RET: variants seen among roughly 807,000 people sequenced by gnomAD.
RET encodes the protein proto-oncogene tyrosine-protein kinase receptor Ret.
Under a neutral mutation model 118.3 loss-of-function variants are expected in RET, and 19 were observed. The observed-to-expected ratio is 0.16, with a 90% CI of 0.11 to 0.24. The LOEUF (loss-of-function observed/expected upper bound fraction) is 0.24, where lower values mean the gene tolerates loss of function less well. Ranked by LOEUF, RET falls within the 10% of genes least tolerant of loss-of-function variation. The pLI, the probability that RET is intolerant of heterozygous loss-of-function variation, is 1.00. For synonymous variants in RET, 597 were observed against 644.1 expected (o/e 0.93, Z 1.11); for missense variants, 1,219 against 1,502.1 (o/e 0.81, Z 3.12).
intron 11 of RET, among the ~76,000 whole-genome samples, chr10:43,116,124 G>C (rs1038283635): frequency 3.9e-5 from 6 of 152,248 alleles, no homozygotes; most frequent in African/African-American, 1.4e-4. Flanking sequence ...CCAGCAGGCA[G>C]GGTGAGCGGG....
chr10:43,113,359 G>C (rs112675631), intron 9 of RET, among the ~76,000 whole-genome samples, 197 bp from the exon 10 acceptor site: 3 of 152,144 alleles, frequency 2.0e-5, no homozygotes, highest in Non-Finnish European at 2.9e-5. Context: ...AGGGGGCCTG[G>C]CTTCACCCAT....
At chr10:43,127,086 C>A in intron 19 of RET, 1 of 1,195,636 alleles carries the variant, frequency 8.4e-7, no homozygotes, top group South Asian at 2.3e-5. Flanking sequence ...GATAAATATA[C>A]AAATCTGGGG....
At chr10:43,099,426 G>T (rs1337424132) in intron 1 of RET, among the ~76,000 whole-genome samples, 3 of 152,002 alleles carry the variant, frequency 2.0e-5, no homozygotes, top group Non-Finnish European at 4.4e-5. Flanking sequence ...CAGGAGAATC[G>T]CTTGAACCCG....
At chr10:43,091,141 G>A (rs1030527886) in intron 1 of RET, among the ~76,000 whole-genome samples, 1 of 152,204 alleles carries the variant, frequency 6.6e-6, no homozygotes, top group Non-Finnish European at 1.5e-5. Flanking sequence ...ACAGGCAGCC[G>A]AAGAAAGAAT....
intron 1 of RET, among the ~76,000 whole-genome samples, chr10:43,078,634 C>G (rs1394310719): frequency 6.6e-6 from 1 of 152,196 alleles, no homozygotes; most frequent in African/African-American, 2.4e-5. Context: ...TGGGCTGTGG[C>G]TTTGGCTTTG....
chr10:43,126,591 C>CG lies in RET; in HGVS notation c.3058dup (p.Ala1020GlyfsTer6), dbSNP rs1564501833. ...GTCTTCCAGGACTACTTGGACCTTGCGGCGTCCACTCCATCTGACTCCCTG... is the reference window on the plus strand; with the variant it reads ...GTCTTCCAGGACTACTTGGACCTTGCGGGCGTCCACTCCATCTGACTCCCTG... On this transcript the variant is annotated frameshift_variant, in exon 19 of 20. Coordinates refer to ENST00000355710, the MANE Select transcript of RET (RefSeq NM_020975.6). LOFTEE classifies it high-confidence loss of function. 1 of 1,613,974 alleles carries CG rather than the reference C, an allele frequency of 6.2e-7. No homozygotes were observed. The highest frequency in any genetic ancestry group is 1.1e-5 in the South Asian group (1 of 91,074).
At position 43,106,675 on chromosome 10, in the gene RET, C is replaced by T. The variant is rs920500031; in HGVS notation, c.1063+104C>T. 10 of 1,218,768 alleles carry T rather than the reference C, an allele frequency of 8.2e-6. No homozygotes were observed. In the African/African-American group the frequency reaches 1.0e-4, roughly 13 times the overall value. 75.5% of individuals were successfully genotyped at this position (1,218,768 alleles called of 1,614,324 possible). On this transcript the variant is annotated intron_variant, in intron 5 of 19. Transcript: ENST00000355710. The surrounding 1 kb of genome is among the most constrained non-coding windows in gnomAD (Gnocchi z 5.1). ...ACACACATGCACACCTGGCATGGCC[C>T]TCTGTGGCCCAAGCCACTTCCCCTC...
intron 5 of RET, among the ~76,000 whole-genome samples, chr10:43,107,559 TCACACACACA>T (rs59876947): frequency 0.017 from 2,348 of 140,816 alleles, 68 homozygotes; most frequent in African/African-American, 0.058. Context: ...CCCCCATGCC[TCACACACACA>T]CACACACACA....
At position 43,114,282 on chromosome 10, in the gene RET, A is replaced by G. The variant is rs1212882307; in HGVS notation, c.1880-198A>G. Among the ~76,000 whole-genome samples, 1 of 152,132 alleles carries G rather than the reference A, an allele frequency of 6.6e-6. No homozygotes were observed. The highest frequency in any genetic ancestry group is 1.5e-5 in the Non-Finnish European group (1 of 68,016). ...CTGTCTCCATCTGTAAGAGGGCAAT[A>G]GTGGTCTAGGAGGGGGCAGTAAATG... is the stretch of plus-strand genomic sequence containing the variant. On this transcript the variant is annotated intron_variant, in intron 10 of 19. Transcript: ENST00000355710. The surrounding 1 kb of genome is among the most constrained non-coding windows in gnomAD (Gnocchi z 4.6).
chr10:43,125,104 AG>A, intron 18 of RET, 122 bp downstream of exon 18: 1 of 865,636 alleles, frequency 1.2e-6, no homozygotes, highest in Non-Finnish European at 1.9e-6. Context: ...GATTGTGCAG[AG>A]AGAGAGAGTC....
At position 43,119,765 on chromosome 10, in the gene RET, C is replaced by T. The variant is rs1443737809; in HGVS notation, c.2607+20C>T. The T allele has an allele frequency of 6.2e-7, 1 of 1,610,604 alleles. No individual in the cohort carries two copies. On this transcript the variant is annotated intron_variant, in intron 14 of 19. Transcript: ENST00000355710. ...ATGAAGGTGCGTGCATATGGCTCTGCACCCAGCCAGCCCCGGCCAGGCCAC... is the reference window on the plus strand; with the variant it reads ...ATGAAGGTGCGTGCATATGGCTCTGTACCCAGCCAGCCCCGGCCAGGCCAC...
intron 1 of RET, among the ~76,000 whole-genome samples, chr10:43,099,904 G>A (rs924944058): frequency 3.9e-5 from 6 of 152,214 alleles, no homozygotes; most frequent in African/African-American, 1.4e-4. Flanking sequence ...CTGGACCACG[G>A]TGTGCCTGTC....
chr10:43,104,283 G>GAA lies in RET; in HGVS notation c.626-657_626-656dup, dbSNP rs34245129. On this transcript the variant is annotated intron_variant, in intron 3 of 19. Coordinates refer to ENST00000355710, the MANE Select transcript of RET (RefSeq NM_020975.6). ...ATGAACACATATTGCTTCCATAATT[G>GAA]AAAAAAAAAAAAACCTAACAGTTTT... Among the ~76,000 whole-genome samples, 36 of 142,744 alleles carry GAA rather than the reference G, an allele frequency of 2.5e-4. 1 individual carries two copies. Among genetic ancestry groups the GAA allele is most frequent in the African/African-American group, 3.4e-4 (13 of 38,498 alleles). The allele number at this position is 142,744 out of a possible 152,430, so 93.6% of individuals were successfully genotyped here.
chr10:43,100,864 T>A, intron 2 of RET, 142 bp downstream of exon 2: 1 of 912,708 alleles, frequency 1.1e-6, no homozygotes, highest in Non-Finnish European at 1.7e-6. Context: ...TAAGTGAGGC[T>A]GGCCTGCCTC....
chr10:43,089,126 C>T (rs1837357080), intron 1 of RET, among the ~76,000 whole-genome samples: 1 of 152,234 alleles, frequency 6.6e-6, no homozygotes, highest in African/African-American at 2.4e-5. Flanking sequence ...CACTCTCCTC[C>T]ATCCAGTGCT....
In RET at chr10:43,118,253, C is replaced by T. The variant is rs982221704; in HGVS notation, c.2285-120C>T. 3 of 788,290 alleles carry T rather than the reference C, an allele frequency of 3.8e-6. No homozygotes were observed. The African/African-American group carries it at 5.1e-5, about 14-fold the overall frequency. 48.8% of individuals were successfully genotyped at this position (788,290 alleles called of 1,614,324 possible). A position where few individuals can be genotyped will look rare whatever the true frequency, so the allele number is the denominator to read the frequency against. ...TGGGAGAAGCCTCAAGCAGCATCGT[C>T]TTTGCAGGCCTCTCTGTCTGAACTT... On this transcript the variant is annotated intron_variant, in intron 12 of 19. Coordinates refer to ENST00000355710, the MANE Select transcript of RET (RefSeq NM_020975.6).
chr10:43,111,101 C>T (rs1837907576), intron 6 of RET, 106 bp from the exon 7 acceptor site: 13 of 1,538,250 alleles, frequency 8.5e-6, no homozygotes, highest in East Asian at 2.3e-5. Context: ...TCTCCAGGCC[C>T]AGTTGGGGGC....
At chr10:43,120,943 GA>G (rs752171952) in intron 15 of RET, among the ~76,000 whole-genome samples, 5 of 89,450 alleles carry the variant, frequency 5.6e-5, no homozygotes, top group East Asian at 5.3e-4. Context: ...AGAAGAAGAA[GA>G]AAAAAAAAAA....
rs2133036456 is a variant in RET, at chr10:43,126,679, C to T, written c.3144C>T (p.Leu1048=). Residue 1048 remains leucine (L), a synonymous_variant, in exon 19 of 20, where the codon CTC becomes CTT. Transcript: ENST00000355710. ...TGGTGGACTGTAATAATGCCCCCCT[C>T]CCTCGAGCCCTCCCTTCCACATGGA... ...TPLVDCNNAP[L]PRALPSTWIE... 3 of 1,614,082 alleles carry T rather than the reference C, an allele frequency of 1.9e-6. No individual in the cohort carries two copies. Among genetic ancestry groups the T allele is most frequent in the Non-Finnish European group, 2.5e-6 (3 of 1,180,012 alleles).
Sources: gnomAD v4.1 joint callset for allele counts (sites outside exome capture counted in the v4.1 genomes callset) on GRCh38, gnomAD v4.1.1 for gene constraint, Gnocchi (gnomAD v3.1) non-coding constraint, MANE v1.5 for transcripts, NCBI Gene and HGNC (gene_info 2026-07-23, HGNC 2026-07-21) for gene names.